Variants in SMIM13 observed in about 807,000 individuals in gnomAD.
The protein encoded by SMIM13 is small integral membrane protein 13.
Under a neutral mutation model 5.9 loss-of-function variants are expected in SMIM13, and 3 were observed. That is an observed-to-expected ratio of 0.51 (90% confidence interval 0.23 to 1.31). SMIM13 has a LOEUF of 1.31. SMIM13 is among the 40% of genes most tolerant of loss of function. The probability of loss-of-function intolerance (pLI) is 0.18; values close to 1 mark genes in which losing one functional copy is unlikely to be tolerated. For missense variants in SMIM13, 85 were observed against 109.9 expected, an observed-to-expected ratio of 0.77 and a Z score of 1.01; for synonymous variants, 55 against 46.0, an observed-to-expected ratio of 1.19 and a Z score of -0.79.
intron 1 of SMIM13, chr6:11,102,447 C>T (rs548624183): frequency 1.2e-4 from 18 of 152,174 alleles, no homozygotes; most frequent in African/African-American, 4.3e-4. Context: ...ATTGGTTTTC[C>T]TACAATCTGC....
intron 1 of SMIM13, among the ~76,000 whole-genome samples, chr6:11,113,253 A>G (rs1758193776): frequency 6.6e-6 from 1 of 152,256 alleles, no homozygotes; most frequent in African/African-American, 2.4e-5. Context: ...GCCAGCAGTC[A>G]TGAGTGAGAA....
chr6:11,111,718 C>T (rs1297757820), intron 1 of SMIM13: 1 of 152,228 alleles, frequency 6.6e-6, no homozygotes, highest in Non-Finnish European at 1.5e-5. Context: ...TTTGAGAGAT[C>T]CAAGTGCCCT....
At chr6:11,115,754 G>A (rs1483250015) in intron 1 of SMIM13, among the ~76,000 whole-genome samples, 1 of 147,684 alleles carries the variant, frequency 6.8e-6, no homozygotes, top group Non-Finnish European at 1.5e-5. Context: ...GCTCAGTCTC[G>A]GCTCACTGCA....
intron 1 of SMIM13, chr6:11,105,121 C>A: frequency 6.2e-7 from 1 of 1,614,216 alleles, no homozygotes; most frequent in Non-Finnish European, 8.5e-7. Flanking sequence ...CTTGTCCATT[C>A]TCTGGGCGAG....
chr6:11,105,613 TC>T, intron 1 of SMIM13: 1 of 333,784 alleles, frequency 3.0e-6, no homozygotes, highest in Non-Finnish European at 5.8e-6. Context: ...TAGCTGGCAG[TC>T]TCCAGTACTG....
intron 1 of SMIM13, among the ~76,000 whole-genome samples, chr6:11,120,510 C>T (rs569280089): frequency 2.6e-5 from 4 of 152,310 alleles, no homozygotes; most frequent in African/African-American, 9.6e-5. Flanking sequence ...GGACTCCACC[C>T]TATGACCTAA....
chr6:11,110,823 C>A (rs1758155598), intron 1 of SMIM13, among the ~76,000 whole-genome samples: 1 of 152,164 alleles, frequency 6.6e-6, no homozygotes, highest in African/African-American at 2.4e-5. Flanking sequence ...TAAGACCCTG[C>A]AAACGGCAGA....
At chr6:11,108,423 A>C (rs1456918043) in intron 1 of SMIM13, among the ~76,000 whole-genome samples, 1 of 152,144 alleles carries the variant, frequency 6.6e-6, no homozygotes, top group Non-Finnish European at 1.5e-5. Flanking sequence ...TCCAGTTGGG[A>C]TGTCCTGAGG....
At chr6:11,097,705 C>T (rs1391327971) in intron 1 of SMIM13, among the ~76,000 whole-genome samples, 1 of 151,548 alleles carries the variant, frequency 6.6e-6, no homozygotes, top group Non-Finnish European at 1.5e-5. Flanking sequence ...AAATACCGTA[C>T]AGTCACACTG....
rs1362398380 is a variant in SMIM13 at position 11,135,116 on chromosome 6, C to T, written c.*514C>T. On this transcript the variant is annotated 3_prime_UTR_variant, in exon 2 of 2. Coordinates refer to ENST00000416247, the MANE Select transcript of SMIM13 (RefSeq NM_001135575.2). ...AGGTTTAATTGACATTTTAAAATGT[C>T]TTCAAAAAGATCACACTATGATTCA... The T allele has an allele frequency of 6.6e-6, 1 of 152,526 alleles. No homozygotes were observed. The highest frequency in any genetic ancestry group is 2.4e-5 in the African/African-American group (1 of 41,382). 9.4% of individuals were successfully genotyped at this position (152,526 alleles called of 1,614,324 possible). A position where few individuals can be genotyped will look rare whatever the true frequency, so the allele number is the denominator to read the frequency against.
intron 1 of SMIM13, among the ~76,000 whole-genome samples, chr6:11,109,266 A>G (rs1442953150): frequency 1.3e-5 from 2 of 152,224 alleles, no homozygotes; most frequent in Non-Finnish European, 2.9e-5. Context: ...AGGGTCCTCC[A>G]TAAACTTCCC....
intron 1 of SMIM13, chr6:11,104,938 T>G: frequency 4.3e-6 from 7 of 1,614,200 alleles, no homozygotes; most frequent in Non-Finnish European, 5.9e-6. Context: ...ATAACACAAA[T>G]AGGGGCTATT....
At chr6:11,114,567 A>G (rs750311453) in intron 1 of SMIM13, among the ~76,000 whole-genome samples, 4 of 43,552 alleles carry the variant, frequency 9.2e-5, no homozygotes, top group Non-Finnish European at 1.4e-4. Context: ...ATTTTTCTGT[A>G]TTGAGATGGT....
intron 1 of SMIM13, among the ~76,000 whole-genome samples, chr6:11,129,579 C>T (rs1450244085): frequency 6.6e-6 from 1 of 151,826 alleles, no homozygotes; most frequent in African/African-American, 2.4e-5. Flanking sequence ...TATGGTAAAT[C>T]TGTTTTTAGT....
At chr6:11,102,231 T>C (rs752794175) in intron 1 of SMIM13, among the ~76,000 whole-genome samples, 4 of 152,238 alleles carry the variant, frequency 2.6e-5, no homozygotes, top group Non-Finnish European at 5.9e-5. Flanking sequence ...CCTGTGAGGA[T>C]GGCTTCAGTA....
chr6:11,113,971 TTTTTG>T (rs1313682830), intron 1 of SMIM13, among the ~76,000 whole-genome samples: 1 of 94,888 alleles, frequency 1.1e-5, no homozygotes, highest in African/African-American at 5.4e-5. Context: ...AAAGTTATTC[TTTTTG>T]TTTTTTTTTT....
intron 1 of SMIM13, chr6:11,105,205 C>T: frequency 6.2e-7 from 1 of 1,614,118 alleles, no homozygotes; most frequent in African/African-American, 1.3e-5. Context: ...TAAGGGGATC[C>T]TGTACTTTGG....
At chr6:11,124,872 G>A (rs1380774825) in intron 1 of SMIM13, among the ~76,000 whole-genome samples, 2 of 152,086 alleles carry the variant, frequency 1.3e-5, no homozygotes, top group Admixed American at 1.3e-4. Context: ...GACAGGTTTG[G>A]TGTTGACTAA....
chr6:11,128,210 C>T (rs1030799009), intron 1 of SMIM13, among the ~76,000 whole-genome samples: 1 of 152,234 alleles, frequency 6.6e-6, no homozygotes, highest in East Asian at 1.9e-4. Context: ...CTATTTGGGG[C>T]CCAAGGGCTG....
Sources: gnomAD v4.1 joint callset for allele counts (sites outside exome capture counted in the v4.1 genomes callset) on GRCh38, gnomAD v4.1.1 for gene constraint, MANE v1.5 for transcripts, NCBI Gene and HGNC (gene_info 2026-07-23, HGNC 2026-07-21) for gene names.